Variants in FRMD4A observed in about 807,000 individuals in gnomAD.
The protein encoded by FRMD4A is FERM domain-containing protein 4A.
In FRMD4A, 29 loss-of-function variants were observed where a neutral mutation model predicts 129.1. The observed-to-expected ratio is 0.22, with a 90% confidence interval of 0.17 to 0.31. FRMD4A has a LOEUF of 0.31. Among genes scored for constraint, FRMD4A ranks in the 10% least tolerant of loss-of-function variants. The pLI is 1.00. For synonymous variants in FRMD4A, 634 were observed against 571.6 expected (o/e 1.11, Z -1.56); for missense variants, 1,272 against 1,375.8 (o/e 0.92, Z 1.19).
intron 6 of FRMD4A, among the ~76,000 whole-genome samples, chr10:13,771,681 C>T (rs1216769259): frequency 6.6e-6 from 1 of 152,138 alleles, no homozygotes; most frequent in African/African-American, 2.4e-5. Context: ...ATATTTCAGC[C>T]CATCTCCAGA....
At chr10:14,010,750 TCTC>T (rs1486952822) in intron 2 of FRMD4A, among the ~76,000 whole-genome samples, 1 of 138,976 alleles carries the variant, frequency 7.2e-6, no homozygotes, top group Non-Finnish European at 1.5e-5. Flanking sequence ...GCTCAAGCAA[TCTC>T]CTCGCTTCGG....
intron 2 of FRMD4A, among the ~76,000 whole-genome samples, chr10:14,124,482 C>A (rs1160039959): frequency 6.6e-6 from 1 of 152,104 alleles, no homozygotes; most frequent in Admixed American, 6.5e-5. Flanking sequence ...TCGAGACCAG[C>A]CTGGCCAATA....
At chr10:14,292,211 T>G (rs1297662180) in intron 2 of FRMD4A, among the ~76,000 whole-genome samples, 1 of 152,176 alleles carries the variant, frequency 6.6e-6, no homozygotes, top group Non-Finnish European at 1.5e-5. Flanking sequence ...GAAACATAAC[T>G]TGGAAGGAGG....
chr10:14,192,106 T>C, intron 2 of FRMD4A, among the ~76,000 whole-genome samples: 1 of 152,156 alleles, frequency 6.6e-6, no homozygotes, highest in African/African-American at 2.4e-5. Flanking sequence ...TCCTTGGTGG[T>C]TTTTATCCCT....
chr10:14,003,970 T>C (rs935996513), intron 2 of FRMD4A, among the ~76,000 whole-genome samples: 3 of 152,260 alleles, frequency 2.0e-5, no homozygotes, highest in Admixed American at 6.5e-5. Flanking sequence ...ATGAAGTTCA[T>C]TTTTACTTTA....
At chr10:14,128,599 A>C (rs1485027731) in intron 2 of FRMD4A, among the ~76,000 whole-genome samples, 1 of 152,208 alleles carries the variant, frequency 6.6e-6, no homozygotes, top group Non-Finnish European at 1.5e-5. Context: ...GGATTTACAT[A>C]TCATACCTGA....
At chr10:13,726,808 C>T (rs548392337) in intron 12 of FRMD4A, among the ~76,000 whole-genome samples, 32 of 152,108 alleles carry the variant, frequency 2.1e-4, no homozygotes, top group Non-Finnish European at 4.1e-4. Flanking sequence ...TGTTATGTTG[C>T]CTAGGCTGGT....
intron 17 of FRMD4A, 55 bp downstream of exon 17, chr10:13,670,351 A>G: frequency 6.3e-7 from 1 of 1,582,984 alleles, no homozygotes; most frequent in Non-Finnish European, 8.6e-7. Context: ...GGCCTGACCA[A>G]TGGGAAAAAC....
intron 15 of FRMD4A, among the ~76,000 whole-genome samples, chr10:13,688,460 G>T (rs905929755): frequency 6.6e-6 from 1 of 151,910 alleles, no homozygotes; most frequent in African/African-American, 2.4e-5. Flanking sequence ...CGAGTTAATC[G>T]GTGCAGCACA....
chr10:13,824,781 G>A (rs2093676907), intron 3 of FRMD4A, among the ~76,000 whole-genome samples: 1 of 151,358 alleles, frequency 6.6e-6, no homozygotes, highest in African/African-American at 2.4e-5. Context: ...TGTAATCAAA[G>A]CTACTCAGGA....
intron 3 of FRMD4A, among the ~76,000 whole-genome samples, chr10:13,843,419 C>T (rs530691255): frequency 1.8e-4 from 28 of 152,050 alleles, no homozygotes; most frequent in Non-Finnish European, 2.6e-4. Context: ...GGGTGGAGTC[C>T]GGAATCGAGG....
chr10:14,174,201 C>A (rs898152665), intron 2 of FRMD4A, among the ~76,000 whole-genome samples: 5 of 152,128 alleles, frequency 3.3e-5, no homozygotes, highest in African/African-American at 9.7e-5. Flanking sequence ...TAACTTGAAT[C>A]CCCAGCGCCT....
At chr10:13,666,873 C>T (rs1038361096) in intron 17 of FRMD4A, among the ~76,000 whole-genome samples, 5 of 151,668 alleles carry the variant, frequency 3.3e-5, no homozygotes, top group Admixed American at 6.6e-5. Flanking sequence ...TGTACCCCCA[C>T]TCACCCGCGT....
intron 2 of FRMD4A, among the ~76,000 whole-genome samples, chr10:14,065,139 CAGAT>C (rs1308254110): frequency 4.6e-5 from 7 of 152,060 alleles, no homozygotes; most frequent in African/African-American, 9.7e-5. Context: ...CAGGAGGAAA[CAGAT>C]AGAGAATAGC....
intron 2 of FRMD4A, among the ~76,000 whole-genome samples, chr10:13,866,822 C>T (rs1188630320): frequency 6.6e-6 from 1 of 152,074 alleles, no homozygotes; most frequent in East Asian, 1.9e-4. Context: ...TATGTTGGCA[C>T]CTGTAATCCC....
intron 2 of FRMD4A, among the ~76,000 whole-genome samples, chr10:14,262,702 C>T (rs934779431): frequency 2.6e-5 from 4 of 151,980 alleles, no homozygotes; most frequent in African/African-American, 4.8e-5. Context: ...GCAGAGCTTC[C>T]GAGACAAATT....
intron 2 of FRMD4A, among the ~76,000 whole-genome samples, chr10:14,043,653 G>T (rs1833871346): frequency 6.6e-6 from 1 of 152,182 alleles, no homozygotes; most frequent in Admixed American, 6.5e-5. Flanking sequence ...CATCACTCCA[G>T]CCTCGACTGC....
chr10:13,930,162 C>G (rs1313734624), intron 2 of FRMD4A, among the ~76,000 whole-genome samples: 1 of 152,158 alleles, frequency 6.6e-6, no homozygotes, highest in African/African-American at 2.4e-5. Flanking sequence ...ATGCAGAGAA[C>G]TATGTATTTG....
At chr10:13,951,199 G>T (rs1370913972) in intron 2 of FRMD4A, among the ~76,000 whole-genome samples, 1 of 152,164 alleles carries the variant, frequency 6.6e-6, no homozygotes, top group Non-Finnish European at 1.5e-5. Context: ...GGCCATTGGT[G>T]ATCCTTCGGG....
Sources: allele counts gnomAD v4.1 joint callset (sites outside exome capture counted in the v4.1 genomes callset), GRCh38; gene constraint gnomAD v4.1.1; transcripts MANE v1.5; gene names NCBI Gene and HGNC (gene_info 2026-07-23, HGNC 2026-07-21).